The following MDFI variants were observed in gnomAD, a reference collection of about 807,000 sequenced individuals.
The protein encoded by MDFI is inhibitor of MyoD family a.
In MDFI, 16 loss-of-function variants were observed where a neutral mutation model predicts 22.3. The observed-to-expected ratio is 0.72, with a 90% CI of 0.49 to 1.09. MDFI has a LOEUF of 1.09. MDFI is among the 50% of genes least tolerant of loss of function. The pLI, the probability that MDFI is intolerant of heterozygous loss-of-function variation, is 0.00. For missense variants in MDFI, 314 were observed against 326.1 expected (o/e 0.96, Z 0.29); for synonymous variants, 145 against 142.7 (o/e 1.02, Z -0.12).
chr6:41,647,655 C>T (rs544549758), intron 3 of MDFI, among the ~76,000 whole-genome samples: 3 of 152,150 alleles, frequency 2.0e-5, no homozygotes, highest in Admixed American at 2.0e-4. Flanking sequence ...GCCCTCCCCA[C>T]TCCACTTCCC....
At chr6:41,640,524 C>T (rs1767814744) in intron 2 of MDFI, among the ~76,000 whole-genome samples, 1 of 152,250 alleles carries the variant, frequency 6.6e-6, no homozygotes, top group African/African-American at 2.4e-5. Context: ...CGCTCTGCCA[C>T]CGCCTTGGGA....
At position 41,649,650 on chromosome 6, in the gene MDFI, C is replaced by G; in HGVS notation, c.291C>G (p.Thr97=). The stretch of plus-strand genomic sequence containing the variant: ...CTCAGGGGAACCCCTTGGGCTGCAC[C>G]CCACTTCTGCCGAATGACTCTGGCC... ...CQPQGNPLGC[T]PLLPNDSGHP... The change falls in exon 4 of 5, where the codon ACC becomes ACG. Residue 97 remains threonine, a synonymous_variant. Transcript: ENST00000230321. 6.2e-7 allele frequency: 1 copy of G among 1,611,604 alleles called. No individual in the cohort carries two copies. The highest frequency in any genetic ancestry group is 8.5e-7 in the Non-Finnish European group (1 of 1,178,498).
intron 3 of MDFI, 21 bp downstream of exon 3, chr6:41,646,329 A>C: frequency 7.1e-7 from 1 of 1,398,626 alleles, no homozygotes; most frequent in Non-Finnish European, 9.3e-7. Flanking sequence ...GGGGGCCAGG[A>C]GGTTGGATGG....
chr6:41,649,728 C>A lies in MDFI; in HGVS notation c.369C>A (p.Gly123=), dbSNP rs1241050777. ...GGGCGGGGAATGGTGCCCTGGGTGGCCCCAAGGCCCACCGGAAGTTGCAGA... is the reference window on the plus strand; with the variant it reads ...GGGCGGGGAATGGTGCCCTGGGTGGACCCAAGGCCCACCGGAAGTTGCAGA... The part of the protein sequence containing the change: ...TRRAGNGALG[G]PKAHRKLQTH... Residue 123 remains glycine (G), a synonymous_variant, in exon 4 of 5, where the codon GGC becomes GGA. Coordinates refer to ENST00000230321, the MANE Select transcript of MDFI (RefSeq NM_005586.4). 1.2e-6 allele frequency: 2 copies of A among 1,614,052 alleles called. No individual in the cohort carries two copies. The highest frequency in any genetic ancestry group is 1.7e-6 in the Non-Finnish European group (2 of 1,179,990).
chr6:41,643,593 G>GGAGA (rs1190814369), intron 2 of MDFI, among the ~76,000 whole-genome samples: 5 of 137,576 alleles, frequency 3.6e-5, no homozygotes, highest in African/African-American at 1.3e-4. Context: ...AGGGAGGGAG[G>GGAGA]GAGGGAGGGA....
intron 2 of MDFI, among the ~76,000 whole-genome samples, chr6:41,640,264 G>C (rs1767802678): frequency 6.6e-6 from 1 of 152,038 alleles, no homozygotes; most frequent in Non-Finnish European, 1.5e-5. Flanking sequence ...ACTCTCTCCA[G>C]CTTTCTCCCT....
chr6:41,651,156 G>A (rs1768258341), intron 4 of MDFI, among the ~76,000 whole-genome samples: 1 of 149,824 alleles, frequency 6.7e-6, no homozygotes. Flanking sequence ...TCCAGCCTGG[G>A]CAACAAGAGC....
Position 41,648,839 on chromosome 6 carries a change from G to A in MDFI, c.260-780G>A, listed in dbSNP as rs558466849. 4.6e-5 allele frequency among the ~76,000 whole-genome samples: 7 copies of A among 152,298 alleles called. No individual in the cohort carries two copies. The East Asian group carries it at 1.4e-3, about 29-fold the overall frequency. On this transcript the variant is annotated intron_variant, in intron 3 of 4. Transcript: ENST00000230321. ...AGGAGCAGGAAGGAATTCGGGGTTT[G>A]GGGGGTCTCCAGGGTCACCTTGCCT...
At position 41,646,114 on chromosome 6, in the gene MDFI, C is replaced by CT; in HGVS notation, c.77-6dup. 1 of 1,454,432 alleles carries CT rather than the reference C, an allele frequency of 6.9e-7. No homozygotes were observed. Among genetic ancestry groups the CT allele is most frequent in the East Asian group, 2.7e-5 (1 of 37,584 alleles). 90.1% of individuals were successfully genotyped at this position (1,454,432 alleles called of 1,614,324 possible). A position where few individuals can be genotyped will look rare whatever the true frequency, so the allele number is the denominator to read the frequency against. The stretch of plus-strand genomic sequence containing the variant: ...CAGGAAAATGGACCTCAGTCATCTG[C>CT]TTTTTTCCTAGCCCAGACCCTATCC... On this transcript the variant is annotated splice_polypyrimidine_tract_variant and intron_variant, in intron 2 of 4. Coordinates refer to ENST00000230321, the MANE Select transcript of MDFI (RefSeq NM_005586.4).
chr6:41,649,720 C>G lies in MDFI; in HGVS notation c.361C>G (p.Leu121Val). 1.2e-6 allele frequency: 2 copies of G among 1,614,120 alleles called. No individual in the cohort carries two copies. The highest frequency in any genetic ancestry group is 1.7e-6 in the Non-Finnish European group (2 of 1,180,014). ...GGTRRAGNGA[L>V]GGPKAHRKLQ... The stretch of plus-strand genomic sequence containing the variant: ...CACCAGACGGGCGGGGAATGGTGCC[C>G]TGGGTGGCCCCAAGGCCCACCGGAA... Residue 121 changes from leucine to valine, a missense_variant, in exon 4 of 5, where the codon CTG becomes GTG. Leu to Val is a conservative substitution (Grantham distance 32). Transcript: ENST00000230321.
chr6:41,649,374 C>T (rs557868839), intron 3 of MDFI, among the ~76,000 whole-genome samples: 5 of 152,358 alleles, frequency 3.3e-5, no homozygotes, highest in African/African-American at 1.2e-4. Context: ...TGCCCTTATA[C>T]ATCTGTCATT....
At chr6:41,649,958 T>G in intron 4 of MDFI, 115 bp downstream of exon 4, 1 of 893,236 alleles carries the variant, frequency 1.1e-6, no homozygotes, top group Non-Finnish European at 1.7e-6. Context: ...AGATGCAGGA[T>G]CTCAGCCTCC....
At chr6:41,639,483 C>G in intron 2 of MDFI, 1 of 985,406 alleles carries the variant, frequency 1.0e-6, no homozygotes, top group Non-Finnish European at 1.2e-6. Context: ...CCTGGGGGAG[C>G]CTCTCACGCC....
Position 41,653,341 on chromosome 6 carries a change from G to T in MDFI, c.507G>T (p.Leu169=). ...CAGACTGCTGTGTCCACTGCATCCTGTCCTGCCTGTTCTGCGAGTTCCTGA... is the reference window on the plus strand; with the variant it reads ...CAGACTGCTGTGTCCACTGCATCCTTTCCTGCCTGTTCTGCGAGTTCCTGA... ...AQEDCCVHCI[L]SCLFCEFLTL... Residue 169 remains leucine, a synonymous_variant, in exon 5 of 5, where the codon CTG becomes CTT. Coordinates refer to ENST00000230321, the MANE Select transcript of MDFI (RefSeq NM_005586.4). The surrounding 1 kb of genome is among the most constrained non-coding windows in gnomAD (Gnocchi z 4.2). 6.2e-7 allele frequency: 1 copy of T among 1,612,658 alleles called. No individual in the cohort carries two copies.
chr6:41,639,441 C>T (rs1485862156), intron 2 of MDFI: 3 of 985,452 alleles, frequency 3.0e-6, no homozygotes, highest in East Asian at 2.3e-4. Flanking sequence ...CCCCGTCCCG[C>T]GCCTGGCGCC....
chr6:41,638,420 G>A (rs1161660813), upstream of MDFI: 3 of 357,992 alleles, frequency 8.4e-6, no homozygotes, highest in Non-Finnish European at 1.5e-5. This position sits in a 1 kb window ranked among gnomAD's most constrained non-coding sequence, Gnocchi z 7.6. Flanking sequence ...AGAGGGGAGG[G>A]GAGAGGCGAG....
upstream of MDFI, chr6:41,638,434 G>A (rs2127424058): frequency 2.5e-6 from 1 of 400,092 alleles, no homozygotes; most frequent in East Asian, 5.7e-5. This position sits in a 1 kb window ranked among gnomAD's most constrained non-coding sequence, Gnocchi z 7.6. Context: ...AGGCGAGTAG[G>A]GGAGGAGCGA....
chr6:41,646,268 G>A lies in MDFI; in HGVS notation c.219G>A (p.Leu73=). 6.5e-7 allele frequency: 1 copy of A among 1,528,830 alleles called. No homozygotes were observed. 94.7% of individuals were successfully genotyped at this position (1,528,830 alleles called of 1,614,324 possible). Residue 73 remains leucine, a synonymous_variant, in exon 3 of 5, where the codon CTG becomes CTA. Transcript: ENST00000230321. ...QGNGPGIPQG[L]DSTDLDVPTE... is the part of the protein sequence containing the mutation. ...ATGGCCCTGGCATCCCCCAGGGCCT[G>A]GACAGCACTGACCTCGACGTCCCCA...
At chr6:41,643,344 T>A (rs1767918183) in intron 2 of MDFI, among the ~76,000 whole-genome samples, 1 of 151,992 alleles carries the variant, frequency 6.6e-6, no homozygotes, top group Non-Finnish European at 1.5e-5. Context: ...CTTCCACCAT[T>A]CTTCCAGATG....
Sources: gnomAD v4.1 joint callset for allele counts (sites outside exome capture counted in the v4.1 genomes callset) on GRCh38, gnomAD v4.1.1 for gene constraint, Gnocchi (gnomAD v3.1) non-coding constraint, MANE v1.5 for transcripts, NCBI Gene and HGNC (gene_info 2026-07-23, HGNC 2026-07-21) for gene names.